The following PARP1 variants were observed in gnomAD, a reference collection of about 807,000 sequenced individuals.
PARP1 encodes the protein poly [ADP-ribose] polymerase 1.
In PARP1, 44 loss-of-function variants were observed where a neutral mutation model predicts 118.7. The ratio of observed to expected loss-of-function variants is 0.37; its 90% CI spans 0.29 to 0.48. The LOEUF (loss-of-function observed/expected upper bound fraction) is 0.48, where lower values mean the gene tolerates loss of function less well. Ranked by LOEUF, PARP1 falls within the 20% of genes least tolerant of loss-of-function variation. The pLI is 0.99. For missense variants in PARP1, 1,100 were observed against 1,272.4 expected, an observed-to-expected ratio of 0.86 and a Z score of 2.06; for synonymous variants, 492 against 483.2, an observed-to-expected ratio of 1.02 and a Z score of -0.24.
rs1262009100 is a variant in PARP1 at position 226,407,998 on chromosome 1, C to A, written c.-69G>T. Reference sequence around the variant, plus strand: ...ACCTAGAAACACGCTGCCGCCTCGCCGCCTCGCGTGCGCTCACCCAGCCGC... The same window carrying A: ...ACCTAGAAACACGCTGCCGCCTCGCAGCCTCGCGTGCGCTCACCCAGCCGC... On this transcript the variant is annotated 5_prime_UTR_variant, in exon 1 of 23. Transcript: ENST00000366794. 1 of 1,601,694 alleles carries A rather than the reference C, an allele frequency of 6.2e-7. No homozygotes were observed. The highest frequency in any genetic ancestry group is 1.3e-5 in the African/African-American group (1 of 74,832).
At chr1:226,362,184 C>CT (rs368063214) in intron 21 of PARP1, 101 bp from the exon 22 acceptor site, 29,988 of 578,142 alleles carry the variant, frequency 0.052, no homozygotes, top group Middle Eastern at 0.063. Flanking sequence ...TGTGGTCTTT[C>CT]TTTTTTTTTT....
chr1:226,397,153 TAAA>T (rs3046773), intron 2 of PARP1, among the ~76,000 whole-genome samples: 200 of 126,132 alleles, frequency 1.6e-3, no homozygotes, highest in African/African-American at 4.4e-3. Flanking sequence ...GTCTCTATCT[TAAA>T]AAAAAAAAAA....
rs1156500850 is a variant in PARP1 at position 226,361,328 on chromosome 1, T to G, written c.*132A>C. 1 of 715,136 alleles carries G rather than the reference T, an allele frequency of 1.4e-6. No homozygotes were observed. The highest frequency in any genetic ancestry group is 2.7e-5 in the East Asian group (1 of 37,230). The allele number at this position is 715,136 out of a possible 1,614,324, so 44.3% of individuals were successfully genotyped here. ...AGAGAAAACCTTTAACACGTTTCTG[T>G]AAAATCCTTTCTGAGGTGGTTTAGT... On this transcript the variant is annotated 3_prime_UTR_variant, in exon 23 of 23. Coordinates refer to ENST00000366794, the MANE Select transcript of PARP1 (RefSeq NM_001618.4).
chr1:226,369,920 C>T (rs998955938), intron 15 of PARP1, among the ~76,000 whole-genome samples: 1 of 149,924 alleles, frequency 6.7e-6, no homozygotes, highest in African/African-American at 2.5e-5. Context: ...TGTGACACTG[C>T]ACTCCAGCCT....
chr1:226,367,555 C>T lies in PARP1; in HGVS notation c.2331G>A (p.Leu777=), dbSNP rs2102728372. 6.2e-7 allele frequency: 1 copy of T among 1,614,174 alleles called. No individual in the cohort carries two copies. Among genetic ancestry groups the T allele is most frequent in the East Asian group, 2.2e-5 (1 of 44,886 alleles). The change falls in exon 17 of 23, where the codon CTG becomes CTA. Residue 777 remains leucine (L), a synonymous_variant. Coordinates refer to ENST00000366794, the MANE Select transcript of PARP1 (RefSeq NM_001618.4). ...NLLDIEVAYS[L]LRGGSDDSSK... The stretch of plus-strand genomic sequence containing the variant: ...TGCTATCATCAGACCCTCCCCTGAG[C>T]AGACTGTAGGCCACCTCGATGTCCA...
intron 5 of PARP1, among the ~76,000 whole-genome samples, chr1:226,386,751 A>T (rs1664724492): frequency 6.6e-6 from 1 of 152,216 alleles, no homozygotes; most frequent in Non-Finnish European, 1.5e-5. Flanking sequence ...AACACCAGGT[A>T]AGAGCCTGGA....
At chr1:226,405,149 TCA>T (rs34953974) in intron 1 of PARP1, among the ~76,000 whole-genome samples, 2,485 of 152,346 alleles carry the variant, frequency 0.016, 21 homozygotes, top group Non-Finnish European at 0.027. Context: ...CTTCACCAGC[TCA>T]GTCTACCAGA....
In PARP1 at chr1:226,390,523, C is replaced by T. The variant is rs2102741099; in HGVS notation, c.504G>A (p.Glu168=). ...YHPGCFVKNR[E]ELGFRPEYSA... is the part of the protein sequence containing the mutation. ...TGTACTCGGGCCGGAAACCCAGCTC[C>T]TCCCTGTTCTTGACAAAGCAGCCTG... The change falls in exon 4 of 23, where the codon GAG becomes GAA. Residue 168 remains glutamate (E), a synonymous_variant. Coordinates refer to ENST00000366794, the MANE Select transcript of PARP1 (RefSeq NM_001618.4). 2 of 1,614,228 alleles carry T rather than the reference C, an allele frequency of 1.2e-6. No individual in the cohort carries two copies. Among genetic ancestry groups the T allele is most frequent in the Non-Finnish European group, 1.7e-6 (2 of 1,180,046 alleles).
At chr1:226,372,502 T>TCTCTACTAAAAATAAAAGGTTTCAC (rs1664407070) in intron 14 of PARP1, among the ~76,000 whole-genome samples, 1 of 151,936 alleles carries the variant, frequency 6.6e-6, no homozygotes, top group Non-Finnish European at 1.5e-5. Context: ...TGAAACCCCA[T>TCTCTACTAAAAATAAAAGGTTTCAC]CTCTACTAAA....
chr1:226,407,374 CA>C (rs1276451078), intron 1 of PARP1, among the ~76,000 whole-genome samples: 112 of 124,082 alleles, frequency 9.0e-4, no homozygotes, highest in South Asian at 1.8e-3. Context: ...ATAGGTTTAA[CA>C]AAAAAAAAAA....
Position 226,407,901 on chromosome 1 carries a change from C to A in PARP1, c.29G>T (p.Arg10Leu). 6.2e-7 allele frequency: 1 copy of A among 1,612,356 alleles called. No homozygotes were observed. The change falls in exon 1 of 23, where the codon CGA (arginine) becomes CTA (leucine). Residue 10 changes from arginine (R) to leucine (L), a missense_variant. Physicochemically the swap from Arg to Leu is moderately radical, Grantham distance 102. Transcript: ENST00000366794. ...GCGCCCGCTCTTGGCGTACTCGACT[C>A]GATAGAGCTTATCCGAAGACTCCGC... MAESSDKLY[R>L]VEYAKSGRAS...
intron 13 of PARP1, 99 bp from the exon 14 acceptor site, chr1:226,374,453 G>T: frequency 1.4e-6 from 2 of 1,423,356 alleles, no homozygotes; most frequent in Non-Finnish European, 9.9e-7. Flanking sequence ...ACACAGGCTA[G>T]AGTGCCACCA....
Position 226,392,758 on chromosome 1 carries a change from G to T in PARP1, c.287-444C>A, listed in dbSNP as rs186295666. On this transcript the variant is annotated intron_variant, in intron 2 of 22. Transcript: ENST00000366794. ...TGATATAAGTCAGACACAAGTATAT[G>T]TAAGAATTAAATATGTACTAAAGGT... 47 of 588,712 alleles carry T rather than the reference G, an allele frequency of 8.0e-5. No homozygotes were observed. The African/African-American group carries it at 8.5e-4, about 11-fold the overall frequency. 36.5% of individuals were successfully genotyped at this position (588,712 alleles called of 1,614,324 possible). A position where few individuals can be genotyped will look rare whatever the true frequency, so the allele number is the denominator to read the frequency against.
At chr1:226,395,338 A>G (rs139338702) in intron 2 of PARP1, among the ~76,000 whole-genome samples, 17 of 152,310 alleles carry the variant, frequency 1.1e-4, no homozygotes, top group African/African-American at 3.8e-4. Flanking sequence ...TGTTCATTAT[A>G]GCATTATTAA....
intron 17 of PARP1, chr1:226,366,875 A>C (rs993138758): frequency 5.9e-6 from 1 of 169,088 alleles, no homozygotes; most frequent in Non-Finnish European, 1.3e-5. Flanking sequence ...CACTGCAGGG[A>C]ATGGGCTGAG....
At position 226,361,476 on chromosome 1, in the gene PARP1, T is replaced by C. The variant is rs1576388809; in HGVS notation, c.3029A>G (p.Lys1010Arg). Residue 1010 changes from lysine to arginine, a missense_variant, in exon 23 of 23, where the codon AAG becomes AGG. Around this residue, in one of 2 missense-constraint regions of PARP1, gnomAD observed 152 missense variants for 240.6 expected, o/e 0.63. Coordinates refer to ENST00000366794, the MANE Select transcript of PARP1 (RefSeq NM_001618.4). ...KYLLKLKFNF[K>R]TSLW is the part of the protein sequence containing the mutation. ...CTCTCCCAATTACCACAGGGAGGTC[T>C]TAAAATTGAATTTCAGTTTCAGCAG... is the stretch of plus-strand genomic sequence containing the variant. The C allele has an allele frequency of 2.5e-6, 4 of 1,611,328 alleles. No individual in the cohort carries two copies. Among genetic ancestry groups the C allele is most frequent in the Non-Finnish European group, 2.5e-6 (3 of 1,177,598 alleles).
chr1:226,376,814 G>A (rs530650583), intron 13 of PARP1, among the ~76,000 whole-genome samples: 1 of 152,290 alleles, frequency 6.6e-6, no homozygotes, highest in East Asian at 1.9e-4. Flanking sequence ...CGGTTTGTTA[G>A]GATTTTGTAT....
At chr1:226,406,369 A>G (rs944376708) in intron 1 of PARP1, among the ~76,000 whole-genome samples, 12 of 152,254 alleles carry the variant, frequency 7.9e-5, no homozygotes, top group East Asian at 1.9e-4. Context: ...TGAGAACTTC[A>G]TAACAGGCTG....
chr1:226,402,054 T>C (rs1161942259), intron 2 of PARP1, 160 bp downstream of exon 2: 1 of 1,551,018 alleles, frequency 6.4e-7, no homozygotes, highest in African/African-American at 1.4e-5. Context: ...TGATGCTGAG[T>C]CCAGGAGGTG....
Sources: gnomAD v4.1 joint callset for allele counts (sites outside exome capture counted in the v4.1 genomes callset) on GRCh38, gnomAD v4.1.1 for gene constraint, gnomAD v4.1.1 regional missense constraint, MANE v1.5 for transcripts, NCBI Gene and HGNC (gene_info 2026-07-23, HGNC 2026-07-21) for gene names.